Variants in RYR3 observed in about 807,000 individuals in gnomAD.
RYR3 encodes ryanodine receptor 3, also known as brain ryanodine receptor-calcium release channel.
Under a neutral mutation model 584.3 loss-of-function variants are expected in RYR3, and 207 were observed. That is an observed-to-expected ratio of 0.35 (90% CI 0.32 to 0.40). RYR3 has a LOEUF of 0.40. Ranked by LOEUF, RYR3 falls within the 10% of genes least tolerant of loss-of-function variation. The pLI is 1.00. For missense variants in RYR3, 5,616 were observed against 6,089.2 expected (o/e 0.92, Z 2.59); for synonymous variants, 2,416 against 2,248.5 (o/e 1.07, Z -2.11).
chr15:33,844,731 A>G, intron 92 of RYR3, 131 bp from the exon 93 acceptor site: 3 of 774,636 alleles, frequency 3.9e-6, no homozygotes, highest in Non-Finnish European at 6.1e-6. Flanking sequence ...TAAAAACCTC[A>G]TTCATTCAGC....
intron 12 of RYR3, among the ~76,000 whole-genome samples, chr15:33,567,261 A>T (rs778833818): frequency 6.6e-6 from 1 of 152,174 alleles, no homozygotes; most frequent in African/African-American, 2.4e-5. Context: ...TGTGGCTTAA[A>T]TGGGAAAATT....
chr15:33,425,946 T>C (rs2044624057), intron 1 of RYR3, among the ~76,000 whole-genome samples: 1 of 152,186 alleles, frequency 6.6e-6, no homozygotes, highest in Non-Finnish European at 1.5e-5. Context: ...CTGGACTGTT[T>C]TTTTATTCTT....
intron 67 of RYR3, among the ~76,000 whole-genome samples, chr15:33,793,694 T>C (rs2075301136): frequency 6.6e-6 from 1 of 152,004 alleles, no homozygotes; most frequent in African/African-American, 2.4e-5. Flanking sequence ...AATTTTAAGG[T>C]ACCCATTATA....
At chr15:33,520,308 G>A (rs16971851) in intron 3 of RYR3, among the ~76,000 whole-genome samples, 41,850 of 151,974 alleles carry the variant, frequency 0.28, 6,133 homozygotes, top group East Asian at 0.47. Context: ...AAATTTTCAC[G>A]TCAAGGTAAT....
chr15:33,472,899 C>G (rs1312338569), intron 1 of RYR3, among the ~76,000 whole-genome samples: 3 of 152,116 alleles, frequency 2.0e-5, no homozygotes, highest in African/African-American at 7.2e-5. Context: ...TCTTCCTCTA[C>G]CATCTCTGGC....
At chr15:33,769,280 G>A in intron 62 of RYR3, 108 bp downstream of exon 62, 1 of 867,796 alleles carries the variant, frequency 1.2e-6, no homozygotes, top group Admixed American at 1.7e-5. Context: ...CAGGCTTTGA[G>A]AAGAGAGGAG....
intron 27 of RYR3, among the ~76,000 whole-genome samples, chr15:33,638,774 G>A (rs1477462123): frequency 2.0e-5 from 3 of 152,174 alleles, no homozygotes; most frequent in Non-Finnish European, 4.4e-5. Flanking sequence ...AATGACAAGT[G>A]ACTAATACAG....
In RYR3 at chr15:33,565,200, G is replaced by A. The variant is rs1048552509; in HGVS notation, c.1147-1478G>A. On this transcript the variant is annotated intron_variant, in intron 11 of 103. Coordinates refer to ENST00000634891, the MANE Select transcript of RYR3 (RefSeq NM_001036.6). Reference sequence around the variant, plus strand: ...CCAGCCAGTTTTAAATGTGTTATCTGAGCAAGCAAAACCTAAGAATTTCGG... The same window carrying A: ...CCAGCCAGTTTTAAATGTGTTATCTAAGCAAGCAAAACCTAAGAATTTCGG... 6.6e-5 allele frequency among the ~76,000 whole-genome samples: 10 copies of A among 152,136 alleles called. No homozygotes were observed. The South Asian group carries it at 2.1e-3, about 32-fold the overall frequency.
At chr15:33,463,793 T>C (rs1169586182) in intron 1 of RYR3, among the ~76,000 whole-genome samples, 2 of 152,104 alleles carry the variant, frequency 1.3e-5, no homozygotes, top group African/African-American at 4.8e-5. Flanking sequence ...GCCTTCTTGG[T>C]AATGGGAAAA....
At chr15:33,536,021 G>A (rs138878415) in intron 5 of RYR3, among the ~76,000 whole-genome samples, 140 of 152,290 alleles carry the variant, frequency 9.2e-4, no homozygotes, top group African/African-American at 3.1e-3. Flanking sequence ...GCTAGCTGGC[G>A]TTTGTGAGGG....
intron 12 of RYR3, among the ~76,000 whole-genome samples, chr15:33,572,654 T>TACACAC (rs1180776345): frequency 0.014 from 1,640 of 121,110 alleles, 29 homozygotes; most frequent in African/African-American, 0.038. Flanking sequence ...AAAAAAACTA[T>TACACAC]ATATACACAC....
At chr15:33,531,718 G>A (rs1156353203) in intron 4 of RYR3, among the ~76,000 whole-genome samples, 1 of 151,642 alleles carries the variant, frequency 6.6e-6, no homozygotes, top group African/African-American at 2.4e-5. Context: ...AGTCCTTCAT[G>A]GCAAAAGACG....
At chr15:33,461,256 A>G (rs1049014722) in intron 1 of RYR3, among the ~76,000 whole-genome samples, 2 of 151,946 alleles carry the variant, frequency 1.3e-5, no homozygotes, top group Non-Finnish European at 2.9e-5. Flanking sequence ...CTAATATCCA[A>G]CTTTTAACCA....
intron 1 of RYR3, among the ~76,000 whole-genome samples, chr15:33,346,713 T>C (rs1972500906): frequency 6.6e-6 from 1 of 152,224 alleles, no homozygotes. Flanking sequence ...CCCTGAACTT[T>C]GCTTTATAAG....
chr15:33,841,967 G>C lies in RYR3; in HGVS notation c.13141G>C (p.Val4381Leu), dbSNP rs1186114761. 1.2e-6 allele frequency: 2 copies of C among 1,603,496 alleles called. No individual in the cohort carries two copies. The highest frequency in any genetic ancestry group is 1.7e-6 in the Non-Finnish European group (2 of 1,174,888). Reference sequence around the variant, plus strand: ...GAAGAAGCGGCGGTGTGGTCAGAAGGTTGAGAAGCCGGAAGCTTTCACAGC... The same window carrying C: ...GAAGAAGCGGCGGTGTGGTCAGAAGCTTGAGAAGCCGGAAGCTTTCACAGC... ...KKKKRRCGQK[V>L]EKPEAFTANF... The change falls in exon 91 of 104, where the codon GTT becomes CTT. Residue 4381 changes from valine (V) to leucine (L), a missense_variant. Coordinates refer to ENST00000634891, the MANE Select transcript of RYR3 (RefSeq NM_001036.6).
intron 48 of RYR3, among the ~76,000 whole-genome samples, chr15:33,734,588 A>G (rs185816750): frequency 2.6e-5 from 4 of 152,198 alleles, no homozygotes; most frequent in Admixed American, 2.6e-4. Flanking sequence ...CTGCCTCCCA[A>G]CATAAGCTGT....
intron 67 of RYR3, among the ~76,000 whole-genome samples, chr15:33,799,513 G>A (rs1337022193): frequency 1.3e-5 from 2 of 152,212 alleles, no homozygotes; most frequent in African/African-American, 4.8e-5. Flanking sequence ...GGAAGGTGGT[G>A]TGCCTGGAGA....
At chr15:33,622,273 C>CA (rs1374254290) in intron 19 of RYR3, among the ~76,000 whole-genome samples, 1 of 152,172 alleles carries the variant, frequency 6.6e-6, no homozygotes, top group African/African-American at 2.4e-5. Flanking sequence ...TGTTCTCACC[C>CA]ACGCCACCCT....
intron 1 of RYR3, among the ~76,000 whole-genome samples, chr15:33,401,005 T>G (rs36061049): frequency 1.5e-5 from 2 of 133,054 alleles, no homozygotes; most frequent in African/African-American, 6.3e-5. Context: ...CTGAAATAAC[T>G]GTTGGTTCTG....
Sources: gnomAD v4.1 joint callset for allele counts (sites outside exome capture counted in the v4.1 genomes callset) on GRCh38, gnomAD v4.1.1 for gene constraint, MANE v1.5 for transcripts, NCBI Gene and HGNC (gene_info 2026-07-23, HGNC 2026-07-21) for gene names.